NAALADL2: variants seen among roughly 807,000 people sequenced by gnomAD.
The protein encoded by NAALADL2 is N-acetylated alpha-linked acidic dipeptidase like 2.
NAALADL2 carries 76 observed loss-of-function variants against 87.2 expected under a neutral mutation model. The ratio of observed to expected loss-of-function variants is 0.87; its 90% CI spans 0.72 to 1.05. NAALADL2 has a LOEUF of 1.05. NAALADL2 is among the 50% of genes least tolerant of loss of function. The probability of loss-of-function intolerance (pLI) is 0.00; values close to 1 mark genes in which losing one functional copy is unlikely to be tolerated. For synonymous variants in NAALADL2, 354 were observed against 331.0 expected (o/e 1.07, Z -0.75); for missense variants, 1,089 against 945.8 (o/e 1.15, Z -1.99).
At chr3:175,510,313 TGGGAACTAAAATTCAAGATGAGATTTGG>T (rs1730984496) in intron 9 of NAALADL2, among the ~76,000 whole-genome samples, 1 of 152,130 alleles carries the variant, frequency 6.6e-6, no homozygotes, top group Non-Finnish European at 1.5e-5. Context: ...ACAGGGATTA[TGGGAACTAAAATTCAAGATGAGATTTGG>T]GTGGAGACAC....
rs1410206377 is a variant in NAALADL2 at position 175,656,778 on chromosome 3, A to G, written c.1896+29392A>G. On this transcript the variant is annotated intron_variant, in intron 11 of 13. Transcript: ENST00000454872. Reference sequence around the variant, plus strand: ...GCAGGGGGCGAGGGGGAGTAACCAAATTCATTAACTATCACTCTTAAATTA... The same window carrying G: ...GCAGGGGGCGAGGGGGAGTAACCAAGTTCATTAACTATCACTCTTAAATTA... Among the ~76,000 whole-genome samples the G allele has an allele frequency of 2.0e-5, 3 of 151,672 alleles. No individual in the cohort carries two copies. In the East Asian group the frequency reaches 5.8e-4, roughly 29 times the overall value.
chr3:174,520,882 G>C (rs1314921457), intron 1 of NAALADL2, among the ~76,000 whole-genome samples: 2 of 151,966 alleles, frequency 1.3e-5, no homozygotes, highest in Non-Finnish European at 2.9e-5. Flanking sequence ...AGTGGATAAA[G>C]GACATACAAG....
At chr3:175,534,068 A>ATTATTTATTTATAATAAATAAT (rs1470190384) in intron 9 of NAALADL2, among the ~76,000 whole-genome samples, 3 of 150,946 alleles carry the variant, frequency 2.0e-5, no homozygotes, top group African/African-American at 7.3e-5. Flanking sequence ...TAATAAATAA[A>ATTATTTATTTATAATAAATAAT]TTATTTATTA....
chr3:175,584,548 A>G (rs1720269674), intron 10 of NAALADL2, among the ~76,000 whole-genome samples: 1 of 152,224 alleles, frequency 6.6e-6, no homozygotes, highest in Non-Finnish European at 1.5e-5. Context: ...TGATGGAAAT[A>G]TGTTCTGAGA....
At chr3:174,546,942 C>A (rs1722803271) in intron 1 of NAALADL2, among the ~76,000 whole-genome samples, 1 of 151,954 alleles carries the variant, frequency 6.6e-6, no homozygotes, top group African/African-American at 2.4e-5. Flanking sequence ...ATGTGTAGTA[C>A]TTTTTTTGAA....
chr3:175,103,529 A>T, intron 2 of NAALADL2, among the ~76,000 whole-genome samples: 1 of 152,180 alleles, frequency 6.6e-6, no homozygotes, highest in East Asian at 1.9e-4. Context: ...CTCCATGTCC[A>T]TTAATCATAG....
chr3:174,947,096 A>T (rs1355125173), intron 1 of NAALADL2, among the ~76,000 whole-genome samples: 1 of 152,176 alleles, frequency 6.6e-6, no homozygotes, highest in Non-Finnish European at 1.5e-5. Flanking sequence ...GTGCTCAGTT[A>T]GAGCATCATA....
intron 3 of NAALADL2, among the ~76,000 whole-genome samples, chr3:174,849,692 G>A (rs1369141686): frequency 2.2e-5 from 3 of 137,062 alleles, no homozygotes; most frequent in Non-Finnish European, 4.5e-5. Context: ...CTGAGATCGC[G>A]CCATTGCACT....
intron 2 of NAALADL2, among the ~76,000 whole-genome samples, chr3:175,136,952 G>A (rs946829799): frequency 3.3e-5 from 5 of 152,056 alleles, no homozygotes; most frequent in Non-Finnish European, 7.4e-5. Flanking sequence ...ATACATCATT[G>A]GTGGGCAAAA....
intron 2 of NAALADL2, among the ~76,000 whole-genome samples, chr3:174,721,444 A>C (rs920228499): frequency 1.3e-5 from 2 of 152,156 alleles, no homozygotes; most frequent in Non-Finnish European, 2.9e-5. Flanking sequence ...TGAGGTGAAG[A>C]CTGTGACGCA....
At chr3:175,423,053 T>TATATATA (rs1366026397) in intron 5 of NAALADL2, among the ~76,000 whole-genome samples, 3 of 95,596 alleles carry the variant, frequency 3.1e-5, no homozygotes, top group East Asian at 3.4e-4. Context: ...ATATATATAT[T>TATATATA]TTTTTTTTTT....
At chr3:174,729,196 A>T (rs1732472663) in intron 2 of NAALADL2, among the ~76,000 whole-genome samples, 1 of 151,974 alleles carries the variant, frequency 6.6e-6, no homozygotes, top group African/African-American at 2.4e-5. Context: ...CTCCTGTCTG[A>T]TTGGTTACCA....
chr3:175,632,011 A>T (rs1487508921), intron 11 of NAALADL2, among the ~76,000 whole-genome samples: 1 of 152,090 alleles, frequency 6.6e-6, no homozygotes, highest in Non-Finnish European at 1.5e-5. Context: ...ATTTTAATAA[A>T]TTATATCATA....
chr3:175,745,632 A>AT (rs1376606193), intron 12 of NAALADL2, among the ~76,000 whole-genome samples: 2 of 152,096 alleles, frequency 1.3e-5, no homozygotes, highest in African/African-American at 4.8e-5. Context: ...TACAGAAACC[A>AT]TTTTTTTCCA....
intron 2 of NAALADL2, among the ~76,000 whole-genome samples, chr3:175,209,135 G>A (rs1741398286): frequency 6.6e-6 from 1 of 152,020 alleles, no homozygotes; most frequent in Non-Finnish European, 1.5e-5. Context: ...GTGTAGTAGG[G>A]AAAAGAACGT....
At chr3:175,709,650 T>C (rs1203080143) in intron 11 of NAALADL2, among the ~76,000 whole-genome samples, 2 of 89,284 alleles carry the variant, frequency 2.2e-5, no homozygotes, top group Non-Finnish European at 4.4e-5. Context: ...TATTTGAAAC[T>C]ATGGCAGTTG....
intron 2 of NAALADL2, among the ~76,000 whole-genome samples, chr3:175,194,656 G>T (rs983384858): frequency 2.0e-5 from 3 of 151,752 alleles, no homozygotes; most frequent in African/African-American, 7.2e-5. Context: ...AGTTTATTAT[G>T]CAGCTTAGAT....
At chr3:174,995,827 T>C (rs1747368408) in intron 1 of NAALADL2, among the ~76,000 whole-genome samples, 1 of 151,326 alleles carries the variant, frequency 6.6e-6, no homozygotes, top group Non-Finnish European at 1.5e-5. Flanking sequence ...AATTCAGTGA[T>C]TTATTCCAAA....
intron 2 of NAALADL2, among the ~76,000 whole-genome samples, chr3:174,671,959 AT>A (rs1726584404): frequency 2.0e-5 from 3 of 151,740 alleles, no homozygotes; most frequent in African/African-American, 7.3e-5. Flanking sequence ...GATGATGATG[AT>A]GACAGTGGTG....
Sources: gnomAD v4.1 joint callset for allele counts (sites outside exome capture counted in the v4.1 genomes callset) on GRCh38, gnomAD v4.1.1 for gene constraint, MANE v1.5 for transcripts, NCBI Gene and HGNC (gene_info 2026-07-23, HGNC 2026-07-21) for gene names.